ESPN: variants seen among roughly 807,000 people sequenced by gnomAD.
ESPN encodes espin.
In ESPN, 68 loss-of-function variants were observed where a neutral mutation model predicts 77.7. The observed-to-expected ratio is 0.87, with a 90% CI of 0.72 to 1.07. The LOEUF (loss-of-function observed/expected upper bound fraction) is 1.07. Ranked by LOEUF, ESPN falls within the 50% of genes least tolerant of loss-of-function variation. The pLI is 0.00. For missense variants in ESPN, 1,060 were observed against 1,239.0 expected (o/e 0.86, Z 2.17); for synonymous variants, 449 against 567.1 (o/e 0.79, Z 2.96).
chr1:6,433,272 A>G (rs961473878), intron 2 of ESPN, among the ~76,000 whole-genome samples: 14 of 151,818 alleles, frequency 9.2e-5, no homozygotes, highest in African/African-American at 3.4e-4. Context: ...GTGAAACCCC[A>G]TCTCTACTAA....
At chr1:6,455,166 G>A in intron 10 of ESPN, 1 of 388,538 alleles carries the variant, frequency 2.6e-6, no homozygotes. Context: ...GGGCCCGCCC[G>A]AGGTACAGGA....
At position 6,440,419 on chromosome 1, in the gene ESPN, C is replaced by T. The variant is rs1189123327; in HGVS notation, c.654C>T (p.His218=). The T allele has an allele frequency of 3.2e-6, 5 of 1,572,230 alleles. No homozygotes were observed. The highest frequency in any genetic ancestry group is 2.3e-5 in the East Asian group (1 of 42,886). ...TGCACGCCGCGGCGCAGATGGGCCA[C>T]AGCCCAGTCATCGTGTGGTTGGTGA... The part of the protein sequence containing the change: ...TPLHAAAQMG[H]SPVIVWLVSC... Residue 218 remains histidine (H), a synonymous_variant, in exon 3 of 13, where the codon CAC becomes CAT. Coordinates refer to ENST00000645284, the MANE Select transcript of ESPN (RefSeq NM_031475.3).
At position 6,428,148 on chromosome 1, in the gene ESPN, G is replaced by A. The variant is rs1474868437; in HGVS notation, c.295-78G>A. On this transcript the variant is annotated intron_variant, in intron 1 of 12. Coordinates refer to ENST00000645284, the MANE Select transcript of ESPN (RefSeq NM_031475.3). The surrounding 1 kb of genome is among the most constrained non-coding windows in gnomAD (Gnocchi z 5.4). ...GAGCACAGAGCTACCTTCCAGGCCT[G>A]TGGGAGTCTGGGAGTGGCCCAAGCC... 19 of 1,465,420 alleles carry A rather than the reference G, an allele frequency of 1.3e-5. No individual in the cohort carries two copies. Among genetic ancestry groups the A allele is most frequent in the Non-Finnish European group, 1.6e-5 (17 of 1,046,900 alleles). The allele number at this position is 1,465,420 out of a possible 1,614,324, so 90.8% of individuals were successfully genotyped here.
intron 2 of ESPN, among the ~76,000 whole-genome samples, chr1:6,433,043 ACCAGGGAAG>A (rs1381903021): frequency 1.3e-5 from 2 of 151,992 alleles, no homozygotes; most frequent in African/African-American, 4.8e-5. Context: ...AATTGCTGGA[ACCAGGGAAG>A]CGGAGGTTGC....
At position 6,425,120 on chromosome 1, in the gene ESPN, G is replaced by A; in HGVS notation, c.165G>A (p.Leu55=). The A allele has an allele frequency of 6.6e-7, 1 of 1,509,030 alleles. No homozygotes were observed. The allele number at this position is 1,509,030 out of a possible 1,614,324, so 93.5% of individuals were successfully genotyped here. ...GGAAGCTGCACTGTCTGCGCTTCCT[G>A]GTGGAGGAAGCCGCCCTCCCCGCCG... is the stretch of plus-strand genomic sequence containing the variant. ...RAGKLHCLRF[L]VEEAALPAAA... Residue 55 remains leucine (L), a synonymous_variant, in exon 1 of 13, where the codon CTG becomes CTA. Coordinates refer to ENST00000645284, the MANE Select transcript of ESPN (RefSeq NM_031475.3).
chr1:6,459,075 T>C (rs1644106876), intron 12 of ESPN, among the ~76,000 whole-genome samples: 1 of 151,828 alleles, frequency 6.6e-6, no homozygotes, highest in Non-Finnish European at 1.5e-5. Flanking sequence ...ACCCCGTCTC[T>C]ACTAAAAATA....
chr1:6,451,384 G>A lies in ESPN; in HGVS notation c.1916-219G>A, dbSNP rs1224003684. The A allele has an allele frequency of 1.6e-6, 1 of 626,960 alleles. No individual in the cohort carries two copies. Among genetic ancestry groups the A allele is most frequent in the Non-Finnish European group, 2.8e-6 (1 of 357,838 alleles). 38.8% of individuals were successfully genotyped at this position (626,960 alleles called of 1,614,324 possible). A position where few individuals can be genotyped will look rare whatever the true frequency, so the allele number is the denominator to read the frequency against. On this transcript the variant is annotated intron_variant, in intron 8 of 12. Transcript: ENST00000645284. The surrounding 1 kb of genome is among the most constrained non-coding windows in gnomAD (Gnocchi z 4.3). ...GCCCTCCATCCCGTGAGTAGGGTGG[G>A]GAAGATGGTGGGGTTGCCACAGTCA...
At chr1:6,446,534 G>T (rs1643846898) in intron 7 of ESPN, among the ~76,000 whole-genome samples, 1 of 152,194 alleles carries the variant, frequency 6.6e-6, no homozygotes, top group African/African-American at 2.4e-5. Flanking sequence ...AGCCTGTGTG[G>T]AGAGGATGAG....
At chr1:6,439,568 G>C (rs1209161551) in intron 2 of ESPN, among the ~76,000 whole-genome samples, 2 of 152,178 alleles carry the variant, frequency 1.3e-5, no homozygotes, top group African/African-American at 4.8e-5. Context: ...TGGGTACTGA[G>C]TCTTCAAGAG....
rs756674296 is a variant in ESPN at position 6,451,620 on chromosome 1, A to G, written c.1933A>G (p.Met645Val). 3 of 1,613,122 alleles carry G rather than the reference A, an allele frequency of 1.9e-6. No homozygotes were observed. The highest frequency in any genetic ancestry group is 2.2e-5 in the East Asian group (1 of 44,882). Reference protein sequence around the residue: ...SSTGSTKSFNMMSPTGDNSEL... With the variant: ...SSTGSTKSFNVMSPTGDNSEL... ...CCGCATAGGCACCAAGTCTTTCAAC[A>G]TGATGTCCCCGACGGGCGACAACTC... The change falls in exon 9 of 13, where the codon ATG becomes GTG. Residue 645 changes from methionine (M) to valine (V), a missense_variant. This residue lies in a region of ESPN where 374 missense variants were observed against 381.4 expected (regional missense o/e 0.98). Transcript: ENST00000645284. This position sits in a 1 kb window ranked among gnomAD's most constrained non-coding sequence, Gnocchi z 4.3.
At chr1:6,442,276 TA>T (rs1034497826) in intron 5 of ESPN, among the ~76,000 whole-genome samples, 1 of 151,998 alleles carries the variant, frequency 6.6e-6, no homozygotes, top group Admixed American at 6.6e-5. Context: ...CACAGTACAT[TA>T]AAAAAATAGT....
In ESPN at chr1:6,440,962, C is replaced by G; in HGVS notation, c.887C>G (p.Ala296Gly). Residue 296 changes from alanine to glycine, a missense_variant, in exon 5 of 13, where the codon GCG becomes GGG. Ala to Gly is a moderately conservative substitution (Grantham distance 60). Transcript: ENST00000645284. ...ECCQILVVNG[A>G]ELDVRDRDGY... ...TGCCAGATCCTGGTAGTGAACGGCG[C>G]GGAGCTGGACGTCCGCGACCGCGAC... 1 of 1,598,038 alleles carries G rather than the reference C, an allele frequency of 6.3e-7. No homozygotes were observed. The highest frequency in any genetic ancestry group is 1.3e-5 in the African/African-American group (1 of 74,750).
chr1:6,459,227 C>G (rs1256900664), intron 12 of ESPN, among the ~76,000 whole-genome samples: 15 of 148,048 alleles, frequency 1.0e-4, no homozygotes, highest in Admixed American at 8.0e-4. Flanking sequence ...GGTGACAGAG[C>G]GAGACTCTGT....
At position 6,448,906 on chromosome 1, in the gene ESPN, C is replaced by T; in HGVS notation, c.1730C>T (p.Pro577Leu). The change falls in exon 8 of 13, where the codon CCT becomes CTT. Residue 577 changes from proline to leucine, a missense_variant. Pro to Leu is a moderately conservative substitution (Grantham distance 98). Transcript: ENST00000645284. The part of the protein sequence containing the change: ...PSAPPQAALL[P>L]GNHVPNGCAA... Reference sequence around the variant, plus strand: ...GCTCCCCCGCAGGCGGCGCTGCTTCCTGGGAACCATGTTCCTAACGGCTGC... The same window carrying T: ...GCTCCCCCGCAGGCGGCGCTGCTTCTTGGGAACCATGTTCCTAACGGCTGC... 7.3e-7 allele frequency: 1 copy of T among 1,368,094 alleles called. No individual in the cohort carries two copies. Among genetic ancestry groups the T allele is most frequent in the Non-Finnish European group, 9.4e-7 (1 of 1,063,618 alleles). 84.7% of individuals were successfully genotyped at this position (1,368,094 alleles called of 1,614,324 possible).
chr1:6,460,383 A>C lies in ESPN; in HGVS notation c.*237A>C. On this transcript the variant is annotated 3_prime_UTR_variant, in exon 13 of 13. Transcript: ENST00000645284. Reference sequence around the variant, plus strand: ...CAAGCTGCTGACGCAAACAACAACAAATGCTGCTTATTTGCATGCCGACTT... The same window carrying C: ...CAAGCTGCTGACGCAAACAACAACACATGCTGCTTATTTGCATGCCGACTT... The C allele has an allele frequency of 3.6e-6, 2 of 548,072 alleles. No homozygotes were observed. The highest frequency in any genetic ancestry group is 1.9e-5 in the African/African-American group (1 of 52,904). The allele number at this position is 548,072 out of a possible 1,614,324, so 34.0% of individuals were successfully genotyped here.
At chr1:6,441,732 G>A (rs950365461) in intron 5 of ESPN, among the ~76,000 whole-genome samples, 2 of 152,306 alleles carry the variant, frequency 1.3e-5, no homozygotes, top group East Asian at 1.9e-4. Context: ...AGTGGGCCTC[G>A]CAGTCAACCC....
intron 10 of ESPN, among the ~76,000 whole-genome samples, chr1:6,452,424 G>T (rs1643966157): frequency 6.6e-6 from 1 of 151,948 alleles, no homozygotes; most frequent in Admixed American, 6.6e-5. Context: ...CCAGAGCTGG[G>T]ATTACAGGCA....
intron 10 of ESPN, chr1:6,455,582 G>A (rs1171995386): frequency 2.5e-6 from 1 of 399,146 alleles, no homozygotes; most frequent in Admixed American, 4.4e-5. Flanking sequence ...ATTGGCCCCA[G>A]CACTTCCTGC....
rs373746885 is a variant in ESPN at position 6,449,706 on chromosome 1, T to A, written c.1915+615T>A. ...GGGGGCAAAGCTGTGACCCACCGTG[T>A]TTCCCCCTCCCTCCCCGGTGACTTC... is the stretch of plus-strand genomic sequence containing the variant. On this transcript the variant is annotated intron_variant, in intron 8 of 12. Coordinates refer to ENST00000645284, the MANE Select transcript of ESPN (RefSeq NM_031475.3). 1.1e-4 allele frequency among the ~76,000 whole-genome samples: 17 copies of A among 152,236 alleles called. No individual in the cohort carries two copies. In the East Asian group the frequency reaches 1.5e-3, roughly 14 times the overall value.
Sources: allele counts gnomAD v4.1 joint callset (sites outside exome capture counted in the v4.1 genomes callset), GRCh38; gene constraint gnomAD v4.1.1; regional missense constraint gnomAD v4.1.1; non-coding constraint Gnocchi (gnomAD v3.1); transcripts MANE v1.5; gene names NCBI Gene and HGNC (gene_info 2026-07-23, HGNC 2026-07-21).